Variants in SLC44A5 observed in about 807,000 individuals in gnomAD.
SLC44A5 encodes choline transporter-like protein 5.
In SLC44A5, 57 loss-of-function variants were observed where a neutral mutation model predicts 101.8. The observed-to-expected ratio is 0.56, with a 90% CI of 0.45 to 0.70. The LOEUF (loss-of-function observed/expected upper bound fraction) is 0.70, where lower values mean the gene tolerates loss of function less well. SLC44A5 is among the 30% of genes least tolerant of loss of function. The pLI is 0.00. For missense variants in SLC44A5, 737 were observed against 853.1 expected, an observed-to-expected ratio of 0.86 and a Z score of 1.70; for synonymous variants, 281 against 290.9, an observed-to-expected ratio of 0.97 and a Z score of 0.35.
intron 2 of SLC44A5, among the ~76,000 whole-genome samples, chr1:75,478,391 C>A (rs1667580142): frequency 6.6e-6 from 1 of 152,166 alleles, no homozygotes; most frequent in African/African-American, 2.4e-5. Flanking sequence ...GGATCAAATT[C>A]ACAATAACAA....
intron 3 of SLC44A5, among the ~76,000 whole-genome samples, chr1:75,350,499 G>A (rs2101067363): frequency 6.6e-6 from 1 of 151,082 alleles, no homozygotes; most frequent in Non-Finnish European, 1.5e-5. Context: ...ACATTCAACA[G>A]AAAGGGACAA....
intron 2 of SLC44A5, among the ~76,000 whole-genome samples, chr1:75,429,691 T>A (rs1406509484): frequency 6.6e-6 from 1 of 152,070 alleles, no homozygotes; most frequent in Non-Finnish European, 1.5e-5. Flanking sequence ...AAGGGGAACA[T>A]GTGTCACATG....
intron 2 of SLC44A5, among the ~76,000 whole-genome samples, chr1:75,439,558 G>GA (rs11345705): frequency 6.6e-6 from 1 of 151,576 alleles, no homozygotes; most frequent in Non-Finnish European, 1.5e-5. Flanking sequence ...TCTCTAAGGG[G>GA]AAAAAAATCT....
intron 2 of SLC44A5, among the ~76,000 whole-genome samples, chr1:75,506,601 G>A (rs2101856235): frequency 6.6e-6 from 1 of 152,058 alleles, no homozygotes; most frequent in South Asian, 2.1e-4. Context: ...TATTTTTGTG[G>A]CTTTTGTAAA....
chr1:75,665,744 C>T, the SLC44A5 span, among the ~76,000 whole-genome samples: 1 of 151,990 alleles, frequency 6.6e-6, no homozygotes, highest in African/African-American at 2.4e-5. Flanking sequence ...ATATCTGGAA[C>T]CTATAAAGAA....
the SLC44A5 span, among the ~76,000 whole-genome samples, chr1:75,626,287 T>G: frequency 6.6e-6 from 1 of 152,120 alleles, no homozygotes; most frequent in Non-Finnish European, 1.5e-5. Flanking sequence ...GCACAGAGTT[T>G]AAGAGATTCA....
chr1:75,282,206 G>A (rs745749432), intron 5 of SLC44A5, among the ~76,000 whole-genome samples: 1 of 152,156 alleles, frequency 6.6e-6, no homozygotes, highest in Non-Finnish European at 1.5e-5. Context: ...AAAGAAAATC[G>A]TTTCAAAACT....
At chr1:75,461,035 AT>A (rs1202569941) in intron 2 of SLC44A5, among the ~76,000 whole-genome samples, 1 of 152,136 alleles carries the variant, frequency 6.6e-6, no homozygotes, top group Non-Finnish European at 1.5e-5. Flanking sequence ...GAAAAAAAAA[AT>A]GGAAGCAACC....
At chr1:75,614,217 G>C (rs528526581), upstream of SLC44A5, among the ~76,000 whole-genome samples, 2 of 152,316 alleles carry the variant, frequency 1.3e-5, no homozygotes, top group African/African-American at 4.8e-5. Context: ...TTATGATAAA[G>C]AGAGGAATCT....
intron 7 of SLC44A5, among the ~76,000 whole-genome samples, chr1:75,243,954 G>A (rs967259662): frequency 2.1e-4 from 32 of 151,940 alleles, no homozygotes; most frequent in African/African-American, 7.0e-4. Context: ...AAAGAGCCTG[G>A]CACCTCCCTC....
chr1:75,307,005 TG>T (rs945428484), intron 4 of SLC44A5, among the ~76,000 whole-genome samples: 31 of 152,146 alleles, frequency 2.0e-4, no homozygotes, highest in Non-Finnish European at 3.7e-4. Flanking sequence ...CCCAAAGTGC[TG>T]GGATTACAAG....
At chr1:75,523,682 G>C (rs2101900920) in intron 2 of SLC44A5, among the ~76,000 whole-genome samples, 1 of 152,340 alleles carries the variant, frequency 6.6e-6, no homozygotes, top group Non-Finnish European at 1.5e-5. Context: ...TGTGAAGGAT[G>C]TTGCTGCTAT....
At chr1:75,243,353 T>G (rs1648820846) in intron 7 of SLC44A5, among the ~76,000 whole-genome samples, 1 of 151,878 alleles carries the variant, frequency 6.6e-6, no homozygotes, top group Admixed American at 6.6e-5. Context: ...CCCAGGCTGG[T>G]CTCAAACTCC....
chr1:75,373,398 G>A (rs1192354564), intron 3 of SLC44A5, among the ~76,000 whole-genome samples: 1 of 152,028 alleles, frequency 6.6e-6, no homozygotes, highest in Non-Finnish European at 1.5e-5. Flanking sequence ...AACCCTCTGG[G>A]ATCCTAGAGA....
chr1:75,525,699 T>G (rs1557873844), intron 2 of SLC44A5, among the ~76,000 whole-genome samples: 1 of 152,210 alleles, frequency 6.6e-6, no homozygotes, highest in Non-Finnish European at 1.5e-5. Context: ...ATAAATTGGT[T>G]ATATTATCAT....
intron 3 of SLC44A5, among the ~76,000 whole-genome samples, chr1:75,343,287 G>T (rs1461666420): frequency 6.6e-6 from 1 of 152,116 alleles, no homozygotes; most frequent in Non-Finnish European, 1.5e-5. Flanking sequence ...CTACACATTT[G>T]TTGTGGTGGT....
the SLC44A5 span, among the ~76,000 whole-genome samples, chr1:75,665,400 T>C: frequency 1.5e-3 from 224 of 152,186 alleles, no homozygotes; most frequent in African/African-American, 5.1e-3. Flanking sequence ...TGTCCAGCCA[T>C]ATGCAGAAGA....
At chr1:75,543,304 C>G (rs1235950722) in intron 1 of SLC44A5, among the ~76,000 whole-genome samples, 1 of 152,082 alleles carries the variant, frequency 6.6e-6, no homozygotes, top group Non-Finnish European at 1.5e-5. Flanking sequence ...TCAACTACCT[C>G]TGCTCCCTTT....
At chr1:75,636,245 C>T in the SLC44A5 span, among the ~76,000 whole-genome samples, 40 of 152,130 alleles carry the variant, frequency 2.6e-4, no homozygotes, top group Admixed American at 5.9e-4. Flanking sequence ...ATGGTGATTA[C>T]AGCTCACACT....
Sources: gnomAD v4.1 joint callset for allele counts (sites outside exome capture counted in the v4.1 genomes callset) on GRCh38, gnomAD v4.1.1 for gene constraint, MANE v1.5 for transcripts, NCBI Gene and HGNC (gene_info 2026-07-23, HGNC 2026-07-21) for gene names.